PFKFB1: variants seen among roughly 807,000 people sequenced by gnomAD.
PFKFB1 encodes the protein 6-phosphofructo-2-kinase/fructose-2,6-biphosphatase 1, also known as 6-phosphofructo-2-kinase/fructose-2,6-bisphosphatase 1.
A neutral mutation model predicts 46.4 loss-of-function variants in PFKFB1; 34 were observed. That is an observed-to-expected ratio of 0.73 (90% CI 0.56 to 0.98). The LOEUF (loss-of-function observed/expected upper bound fraction) is 0.98, where lower values mean the gene tolerates loss of function less well. PFKFB1 is among the 50% of genes least tolerant of loss of function. The probability of loss-of-function intolerance (pLI) is 0.00; values close to 1 mark genes in which losing one functional copy is unlikely to be tolerated. For synonymous variants in PFKFB1, 119 were observed against 133.8 expected (o/e 0.89, Z 0.76); for missense variants, 393 against 376.3 (o/e 1.04, Z -0.37).
intron 1 of PFKFB1, among the ~76,000 whole-genome samples, chrX:54,990,027 T>C (rs1176426419): frequency 9.0e-6 from 1 of 111,495 alleles, no homozygotes; most frequent in Non-Finnish European, 1.9e-5. Flanking sequence ...ATATCAGCCC[T>C]GTTTAGTAGG....
At chrX:54,955,373 C>T (rs909571742) in intron 7 of PFKFB1, among the ~76,000 whole-genome samples, 1 of 111,412 alleles carries the variant, frequency 9.0e-6, no homozygotes, top group African/African-American at 3.3e-5. Flanking sequence ...GGGGTCTCTT[C>T]TCATCATAAT....
chrX:54,979,616 T>C (rs1404210103), intron 1 of PFKFB1, among the ~76,000 whole-genome samples: 1 of 111,601 alleles, frequency 9.0e-6, no homozygotes, highest in Non-Finnish European at 1.9e-5. Flanking sequence ...AAAAAAGCAC[T>C]AAAATCCATG....
At chrX:54,943,064 G>A in intron 10 of PFKFB1, among the ~76,000 whole-genome samples, 1 of 111,684 alleles carries the variant, frequency 9.0e-6, no homozygotes, top group Middle Eastern at 4.2e-3. Context: ...GAATGTGAGA[G>A]ATGAATTTTT....
chrX:54,991,011 G>A (rs1405292712), intron 1 of PFKFB1, among the ~76,000 whole-genome samples: 1 of 111,554 alleles, frequency 9.0e-6, no homozygotes, highest in African/African-American at 3.3e-5. Flanking sequence ...ACTTAAAATC[G>A]GGATCAGCAT....
At chrX:54,994,657 A>G, upstream of PFKFB1, 1 of 753,957 alleles carries the variant, frequency 1.3e-6, no homozygotes, top group Non-Finnish European at 1.6e-6. Flanking sequence ...TGGAAGGTCC[A>G]CTACTTCTCT....
chrX:54,967,064 A>T (rs1462034176), intron 1 of PFKFB1, among the ~76,000 whole-genome samples: 1 of 111,616 alleles, frequency 9.0e-6, no homozygotes, highest in Admixed American at 9.6e-5. Flanking sequence ...GAAAGGCTGG[A>T]AAATTGAATT....
intron 1 of PFKFB1, among the ~76,000 whole-genome samples, chrX:54,967,048 T>C (rs1174444140): frequency 1.8e-5 from 2 of 111,002 alleles, no homozygotes; most frequent in East Asian, 5.7e-4. Context: ...ACCTATATAG[T>C]ACTGAGAAAG....
At chrX:54,941,635 T>C (rs1408485071) in intron 10 of PFKFB1, among the ~76,000 whole-genome samples, 4 of 112,187 alleles carry the variant, frequency 3.6e-5, no homozygotes, top group African/African-American at 1.3e-4. Flanking sequence ...AAAAGACACA[T>C]GAAAAACTGC....
intron 9 of PFKFB1, among the ~76,000 whole-genome samples, chrX:54,946,581 C>G (rs1038401545): frequency 8.9e-6 from 1 of 111,776 alleles, no homozygotes; most frequent in Admixed American, 9.5e-5. Flanking sequence ...CAGTGTGAAA[C>G]TTCTCCAACC....
intron 10 of PFKFB1, among the ~76,000 whole-genome samples, chrX:54,942,348 A>C (rs181993342): frequency 1.3e-3 from 150 of 111,625 alleles, no homozygotes; most frequent in African/African-American, 4.7e-3. Context: ...CATATGTAAC[A>C]AACTTGCACA....
Position 54,958,323 on chromosome X carries a change from T to C in PFKFB1, c.499A>G (p.Ile167Val), listed in dbSNP as rs765889495. 1 of 1,187,381 alleles carries C rather than the reference T, an allele frequency of 8.4e-7. No individual in the cohort carries two copies. The highest frequency in any genetic ancestry group is 1.8e-5 in the South Asian group (1 of 55,788). Residue 167 changes from isoleucine to valine, a missense_variant, in exon 6 of 14, where the codon ATT becomes GTT. Coordinates refer to ENST00000375006, the MANE Select transcript of PFKFB1 (RefSeq NM_002625.4). Reference protein sequence around the residue: ...IESICNDPGIIAENIRQVKLG... With the variant: ...IESICNDPGIVAENIRQVKLG... ...GTCCTTACCCTGATGTTTTCTGCAATTATGCCAGGGTCATTACAAATGGAC... is the reference window on the plus strand; with the variant it reads ...GTCCTTACCCTGATGTTTTCTGCAACTATGCCAGGGTCATTACAAATGGAC...
chrX:54,960,788 G>A, intron 3 of PFKFB1, 36 bp downstream of exon 3: 2 of 952,182 alleles, frequency 2.1e-6, no homozygotes, highest in East Asian at 3.3e-5. Context: ...TTTCAGCCAT[G>A]AGACAGCACA....
chrX:54,952,836 C>T (rs1300302419), intron 7 of PFKFB1, among the ~76,000 whole-genome samples: 2 of 109,945 alleles, frequency 1.8e-5, no homozygotes, highest in East Asian at 5.8e-4. Context: ...GATCAGTGCT[C>T]AACATTCATT....
intron 7 of PFKFB1, among the ~76,000 whole-genome samples, chrX:54,955,433 A>T (rs1419029809): frequency 4.5e-5 from 5 of 111,356 alleles, no homozygotes; most frequent in Non-Finnish European, 9.4e-5. Flanking sequence ...TCTAAAACTC[A>T]CATCTGCTCT....
At chrX:54,962,243 A>G (rs1042397905) in intron 2 of PFKFB1, among the ~76,000 whole-genome samples, 1 of 111,774 alleles carries the variant, frequency 8.9e-6, no homozygotes, top group Non-Finnish European at 1.9e-5. Context: ...GCAGTCCTCC[A>G]TGAGAGCTGC....
chrX:54,950,132 T>C (rs1195065896), intron 8 of PFKFB1, among the ~76,000 whole-genome samples: 2 of 112,603 alleles, frequency 1.8e-5, no homozygotes, highest in African/African-American at 3.2e-5. Flanking sequence ...TGACGGCATG[T>C]GTTAGGAACA....
chrX:54,960,237 G>A (rs1934269591), intron 3 of PFKFB1, among the ~76,000 whole-genome samples: 1 of 112,761 alleles, frequency 8.9e-6, no homozygotes. Flanking sequence ...AGTAGAGCAT[G>A]TGGTCTGTGA....
intron 1 of PFKFB1, among the ~76,000 whole-genome samples, chrX:54,973,016 GC>G (rs1446010329): frequency 9.0e-6 from 1 of 111,413 alleles, no homozygotes; most frequent in African/African-American, 3.3e-5. Flanking sequence ...CAATTTCAGA[GC>G]CTGTTATTGG....
At chrX:54,943,517 C>T (rs377452225) in intron 10 of PFKFB1, among the ~76,000 whole-genome samples, 1 of 111,711 alleles carries the variant, frequency 9.0e-6, no homozygotes, top group African/African-American at 3.3e-5. Flanking sequence ...TTTGGGAGGC[C>T]GAGGTGGGTG....
Sources: gnomAD v4.1 joint callset for allele counts (sites outside exome capture counted in the v4.1 genomes callset) on GRCh38, gnomAD v4.1.1 for gene constraint, MANE v1.5 for transcripts, NCBI Gene and HGNC (gene_info 2026-07-23, HGNC 2026-07-21) for gene names.